Variants in LRP1B observed in about 807,000 individuals in gnomAD.
LRP1B encodes the protein LDL receptor related protein 1B, also known as low-density lipoprotein receptor-related protein 1B.
Under a neutral mutation model 556.6 loss-of-function variants are expected in LRP1B, and 217 were observed. The observed-to-expected ratio is 0.39, with a 90% CI of 0.35 to 0.44. The LOEUF (loss-of-function observed/expected upper bound fraction) is 0.44. LRP1B is among the 20% of genes least tolerant of loss of function. The probability of loss-of-function intolerance (pLI) is 1.00; values close to 1 mark genes in which losing one functional copy is unlikely to be tolerated. For synonymous variants in LRP1B, 2,047 were observed against 1,865.8 expected (o/e 1.10, Z -2.50); for missense variants, 5,053 against 5,620.8 (o/e 0.90, Z 3.23).
chr2:140,509,890 A>G, intron 52 of LRP1B, 38 bp downstream of exon 52: 4 of 1,590,810 alleles, frequency 2.5e-6, no homozygotes, highest in Non-Finnish European at 3.4e-6. Flanking sequence ...ATGCTGCAAC[A>G]GTTTTCTTTG....
At chr2:140,326,690 C>A (rs1056033318) in intron 79 of LRP1B, among the ~76,000 whole-genome samples, 3 of 147,852 alleles carry the variant, frequency 2.0e-5, no homozygotes, top group African/African-American at 7.7e-5. Context: ...AGAGTGAGAC[C>A]CCCTGCCTCA....
At position 141,832,983 on chromosome 2, in the gene LRP1B, T is replaced by A. The variant is rs1697159004; in HGVS notation, c.83-22582A>T. ...TATTTTATTTTTGTTACTAACACTA[T>A]TTTTCATTTCAATTGCCTGTCTTTA... On this transcript the variant is annotated intron_variant, in intron 1 of 90. Coordinates refer to ENST00000389484, the MANE Select transcript of LRP1B (RefSeq NM_018557.3). 2.6e-5 allele frequency among the ~76,000 whole-genome samples: 4 copies of A among 151,886 alleles called. No homozygotes were observed. In the South Asian group the frequency reaches 8.3e-4, roughly 31 times the overall value.
chr2:141,559,005 T>C (rs974688350), intron 2 of LRP1B, among the ~76,000 whole-genome samples: 3 of 151,532 alleles, frequency 2.0e-5, no homozygotes, highest in African/African-American at 7.3e-5. Flanking sequence ...AGGTTATTAA[T>C]ATTATCTAGT....
chr2:140,921,881 C>T (rs908632202), intron 21 of LRP1B, among the ~76,000 whole-genome samples: 2 of 150,970 alleles, frequency 1.3e-5, no homozygotes, highest in African/African-American at 2.4e-5. Flanking sequence ...ACATCAGCCC[C>T]CGTGGCTTTC....
At chr2:140,235,915 A>C (rs149325595) in intron 89 of LRP1B, among the ~76,000 whole-genome samples, 1 of 151,164 alleles carries the variant, frequency 6.6e-6, no homozygotes, top group Non-Finnish European at 1.5e-5. Context: ...AAAGAATTTC[A>C]GAACTCTATT....
chr2:140,405,962 A>G (rs1404264923), intron 66 of LRP1B, among the ~76,000 whole-genome samples: 1 of 152,176 alleles, frequency 6.6e-6, no homozygotes, highest in Non-Finnish European at 1.5e-5. Context: ...AGATAATCGA[A>G]TCCAATAGCA....
chr2:141,370,832 T>C (rs1689203406), intron 3 of LRP1B, among the ~76,000 whole-genome samples: 1 of 152,132 alleles, frequency 6.6e-6, no homozygotes, highest in Admixed American at 6.5e-5. Context: ...TATGATGAGA[T>C]ATATGGATCC....
chr2:140,971,950 T>A (rs1573938013), intron 18 of LRP1B, among the ~76,000 whole-genome samples: 1 of 152,336 alleles, frequency 6.6e-6, no homozygotes, highest in African/African-American at 2.4e-5. Context: ...TTGGAATCTT[T>A]ATCAGCAACA....
At chr2:142,000,879 G>A (rs1458379788) in intron 1 of LRP1B, among the ~76,000 whole-genome samples, 1 of 152,062 alleles carries the variant, frequency 6.6e-6, no homozygotes, top group Non-Finnish European at 1.5e-5. Flanking sequence ...CTCCTGATAT[G>A]GTTTGGCTGT....
chr2:141,452,500 T>C (rs546020314), intron 3 of LRP1B, among the ~76,000 whole-genome samples: 1 of 152,356 alleles, frequency 6.6e-6, no homozygotes, highest in South Asian at 2.1e-4. Context: ...CTGAATTCTA[T>C]ACTGTTTTCT....
At chr2:140,692,360 A>C (rs896542447) in intron 41 of LRP1B, among the ~76,000 whole-genome samples, 1 of 152,120 alleles carries the variant, frequency 6.6e-6, no homozygotes, top group African/African-American at 2.4e-5. Flanking sequence ...TGCACAATGA[A>C]CCATTATTCT....
chr2:140,792,989 T>G (rs1690175875), intron 32 of LRP1B, among the ~76,000 whole-genome samples: 1 of 151,742 alleles, frequency 6.6e-6, no homozygotes, highest in South Asian at 2.1e-4. Context: ...TTAAATAAAA[T>G]ATCTATAAGC....
rs73963565 is a variant in LRP1B at position 141,733,268 on chromosome 2, A to G, written c.205+77011T>C. Among the ~76,000 whole-genome samples the G allele has an allele frequency of 7.2e-3, 1,089 of 152,200 alleles. 20 individuals are homozygous for G. The highest frequency in any genetic ancestry group is 0.025 in the African/African-American group (1,044 of 41,540). The stretch of plus-strand genomic sequence containing the variant: ...ATACCACAAGGTTCCAGTTGCCTGA[A>G]TTAAATCTTTTGTTTTGAATTAATG... On this transcript the variant is annotated intron_variant, in intron 2 of 90. Transcript: ENST00000389484.
chr2:140,417,961 C>T (rs1227691649), intron 66 of LRP1B, among the ~76,000 whole-genome samples: 2 of 152,114 alleles, frequency 1.3e-5, no homozygotes, highest in East Asian at 1.9e-4. Context: ...TTCTAAAGGT[C>T]GATCACTAGC....
intron 3 of LRP1B, among the ~76,000 whole-genome samples, chr2:141,372,901 C>T (rs145490644): frequency 0.016 from 2,466 of 152,056 alleles, 34 homozygotes; most frequent in Non-Finnish European, 0.024. Flanking sequence ...TTTTCCTTAG[C>T]TAACTTTGGA....
chr2:141,055,173 G>A lies in LRP1B; in HGVS notation c.1495C>T (p.Arg499Trp), dbSNP rs562471696. Residue 499 changes from arginine to tryptophan, a missense_variant, in exon 10 of 91, where the codon CGG (arginine) becomes TGG (tryptophan). Physicochemically the swap from Arg to Trp is moderately radical, Grantham distance 101. Transcript: ENST00000389484. ...ICLLSSSYKT[R>W]TCRCRTGFNL... ...AAGCCAGTCCTGCAGCGACAAGTCCGAGTTTTGTAACTGCTGCTGAGTAGA... is the reference window on the plus strand; with the variant it reads ...AAGCCAGTCCTGCAGCGACAAGTCCAAGTTTTGTAACTGCTGCTGAGTAGA... 1.3e-5 allele frequency: 21 copies of A among 1,612,360 alleles called. No individual in the cohort carries two copies. The highest frequency in any genetic ancestry group is 4.4e-5 in the South Asian group (4 of 91,022).
intron 2 of LRP1B, among the ~76,000 whole-genome samples, chr2:141,539,475 G>A (rs906118022): frequency 2.0e-5 from 3 of 152,094 alleles, no homozygotes; most frequent in Non-Finnish European, 4.4e-5. Flanking sequence ...GTATTTCTAA[G>A]TTTTCCAAAG....
intron 84 of LRP1B, among the ~76,000 whole-genome samples, chr2:140,295,596 A>C (rs1489885552): frequency 6.6e-6 from 1 of 152,214 alleles, no homozygotes; most frequent in African/African-American, 2.4e-5. Context: ...CCCTGAAGCT[A>C]AATTGGCTGG....
intron 1 of LRP1B, among the ~76,000 whole-genome samples, chr2:141,886,838 T>G (rs1455130749): frequency 6.6e-6 from 1 of 152,190 alleles, no homozygotes; most frequent in Non-Finnish European, 1.5e-5. Flanking sequence ...AGTGCTAATA[T>G]TGGTAGATAA....
Sources: allele counts gnomAD v4.1 joint callset (sites outside exome capture counted in the v4.1 genomes callset), GRCh38; gene constraint gnomAD v4.1.1; transcripts MANE v1.5; gene names NCBI Gene and HGNC (gene_info 2026-07-23, HGNC 2026-07-21).